Variants in TUSC3 observed in about 807,000 individuals in gnomAD.
The protein encoded by TUSC3 is tumor suppressor candidate 3.
TUSC3 carries 45 observed loss-of-function variants against 44.8 expected under a neutral mutation model. That is an observed-to-expected ratio of 1.00 (90% CI 0.79 to 1.29). The LOEUF (loss-of-function observed/expected upper bound fraction) is 1.29. Among genes scored for constraint, TUSC3 ranks in the 50% most tolerant of loss-of-function variants. The pLI is 0.00. For missense variants in TUSC3, 519 were observed against 437.9 expected (o/e 1.19, Z -1.65); for synonymous variants, 212 against 152.9 (o/e 1.39, Z -2.85).
At chr8:15,611,462 C>T (rs1162258314) in intron 1 of TUSC3, among the ~76,000 whole-genome samples, 2 of 152,208 alleles carry the variant, frequency 1.3e-5, no homozygotes, top group African/African-American at 4.8e-5. Flanking sequence ...GCTGGGATTA[C>T]AGGCGTGAGC....
chr8:15,675,203 A>G (rs1286946492), intron 6 of TUSC3, among the ~76,000 whole-genome samples: 1 of 152,122 alleles, frequency 6.6e-6, no homozygotes, highest in Non-Finnish European at 1.5e-5. Context: ...GCCTGATGCA[A>G]AGATCTGATC....
At chr8:15,679,096 G>C (rs1025374426) in intron 6 of TUSC3, among the ~76,000 whole-genome samples, 21 of 152,068 alleles carry the variant, frequency 1.4e-4, no homozygotes, top group African/African-American at 5.1e-4. Context: ...TGGTAGAACT[G>C]TTTATTTTCT....
At chr8:15,642,764 G>T (rs1338079930) in intron 2 of TUSC3, among the ~76,000 whole-genome samples, 1 of 151,960 alleles carries the variant, frequency 6.6e-6, no homozygotes, top group Non-Finnish European at 1.5e-5. Flanking sequence ...CATAAACAAG[G>T]TTTACATTGC....
intron 1 of TUSC3, among the ~76,000 whole-genome samples, chr8:15,481,677 G>T (rs1800663120): frequency 2.0e-5 from 3 of 152,136 alleles, no homozygotes; most frequent in African/African-American, 7.2e-5. Flanking sequence ...TCTGTTAAGT[G>T]TGCAATAGCA....
intron 1 of TUSC3, among the ~76,000 whole-genome samples, chr8:15,466,047 T>C (rs1800409098): frequency 1.3e-5 from 2 of 152,228 alleles, no homozygotes; most frequent in Admixed American, 1.3e-4. Flanking sequence ...TTAAACTCAA[T>C]ATATCCCGCT....
At chr8:15,693,907 G>A (rs376194868) in intron 6 of TUSC3, among the ~76,000 whole-genome samples, 18 of 151,888 alleles carry the variant, frequency 1.2e-4, no homozygotes, top group East Asian at 7.8e-4. Context: ...CTGAGATTCC[G>A]TCCTCAGCTT....
chr8:15,793,820 T>C, the TUSC3 span, among the ~76,000 whole-genome samples: 1 of 152,174 alleles, frequency 6.6e-6, no homozygotes, highest in Non-Finnish European at 1.5e-5. Context: ...ACTGAATGCA[T>C]GCAAGCATAA....
chr8:15,434,682 C>A (rs1043196039), intron 1 of TUSC3, among the ~76,000 whole-genome samples: 1 of 151,576 alleles, frequency 6.6e-6, no homozygotes, highest in Admixed American at 6.6e-5. Context: ...CCCTCCCCCA[C>A]GACTTCCCCC....
chr8:15,530,363 G>A (rs1262999526), intron 2 of TUSC3, among the ~76,000 whole-genome samples: 2 of 152,052 alleles, frequency 1.3e-5, no homozygotes, highest in Non-Finnish European at 2.9e-5. Flanking sequence ...TGTGAAATTT[G>A]GTTAAATATT....
intron 1 of TUSC3, among the ~76,000 whole-genome samples, chr8:15,622,207 G>C (rs11785241): frequency 0.28 from 42,595 of 151,916 alleles, 6,175 homozygotes; most frequent in Non-Finnish European, 0.32. Context: ...TCTTTGTCTT[G>C]TAGGAATACA....
chr8:15,445,167 C>G (rs921259386), intron 1 of TUSC3, among the ~76,000 whole-genome samples: 1 of 152,118 alleles, frequency 6.6e-6, no homozygotes, highest in Non-Finnish European at 1.5e-5. Flanking sequence ...GACCGTGGGT[C>G]TGGATGGGAT....
At chr8:15,839,611 C>T in the TUSC3 span, among the ~76,000 whole-genome samples, 4 of 152,298 alleles carry the variant, frequency 2.6e-5, no homozygotes, top group East Asian at 1.9e-4. Context: ...ATGCAGCCAA[C>T]AGATACATGA....
intron 2 of TUSC3, among the ~76,000 whole-genome samples, chr8:15,642,773 G>A (rs908742109): frequency 3.3e-5 from 5 of 152,058 alleles, no homozygotes; most frequent in Non-Finnish European, 5.9e-5. Flanking sequence ...GGTTTACATT[G>A]CTTTGTTGTT....
chr8:15,725,878 A>G (rs1043162318), intron 6 of TUSC3, among the ~76,000 whole-genome samples: 6 of 152,196 alleles, frequency 3.9e-5, no homozygotes, highest in African/African-American at 1.4e-4. Context: ...TCCAATTTGC[A>G]GATTAGGAAA....
intron 1 of TUSC3, among the ~76,000 whole-genome samples, chr8:15,547,394 A>T (rs1160340344): frequency 6.6e-6 from 1 of 151,762 alleles, no homozygotes; most frequent in Non-Finnish European, 1.5e-5. Flanking sequence ...GGAGTTTTAC[A>T]GTAAAACTAA....
chr8:15,531,065 C>G (rs1330319394), intron 2 of TUSC3, among the ~76,000 whole-genome samples: 6 of 152,128 alleles, frequency 3.9e-5, no homozygotes, highest in Non-Finnish European at 5.9e-5. Context: ...TGCTCACCTG[C>G]TAGGCACTAG....
intron 1 of TUSC3, among the ~76,000 whole-genome samples, chr8:15,446,973 A>C (rs1485276775): frequency 3.9e-5 from 6 of 152,072 alleles, no homozygotes; most frequent in African/African-American, 1.4e-4. Context: ...CACACACCCA[A>C]TGAAGAATGG....
intron 1 of TUSC3, among the ~76,000 whole-genome samples, chr8:15,481,781 A>G (rs747057240): frequency 6.6e-5 from 10 of 152,166 alleles, no homozygotes; most frequent in Non-Finnish European, 1.0e-4. Flanking sequence ...AGCAAATCAT[A>G]ATCTTTTTGC....
chr8:15,497,021 A>T (rs1205276666), intron 2 of TUSC3, among the ~76,000 whole-genome samples: 2 of 152,256 alleles, frequency 1.3e-5, no homozygotes, highest in Non-Finnish European at 2.9e-5. Flanking sequence ...CTAAAAAGAT[A>T]GGGGAAGCAG....
Sources: allele counts gnomAD v4.1 joint callset (sites outside exome capture counted in the v4.1 genomes callset), GRCh38; gene constraint gnomAD v4.1.1; transcripts MANE v1.5; gene names NCBI Gene and HGNC (gene_info 2026-07-23, HGNC 2026-07-21).